The following GYG1 variants were observed in gnomAD, a reference collection of about 807,000 sequenced individuals.
The protein encoded by GYG1 is glycogenin 1.
In GYG1, 44 loss-of-function variants were observed where a neutral mutation model predicts 41.9. That is an observed-to-expected ratio of 1.05 (90% CI 0.83 to 1.35). The LOEUF (loss-of-function observed/expected upper bound fraction) is 1.35, where lower values mean the gene tolerates loss of function less well. Ranked by LOEUF, GYG1 falls within the 40% of genes most tolerant of loss-of-function variation. GYG1 has a pLI of 0.00. For synonymous variants in GYG1, 141 were observed against 158.1 expected, an observed-to-expected ratio of 0.89 and a Z score of 0.81; for missense variants, 429 against 418.9, an observed-to-expected ratio of 1.02 and a Z score of -0.21.
At chr3:149,017,363 T>G (rs1321978467) in intron 5 of GYG1, among the ~76,000 whole-genome samples, 2 of 151,868 alleles carry the variant, frequency 1.3e-5, no homozygotes, top group East Asian at 3.9e-4. Flanking sequence ...TGAATGGCTC[T>G]CAGTAATGTA....
At chr3:149,022,157 C>T (rs76390901) in intron 5 of GYG1, among the ~76,000 whole-genome samples, 69 of 152,254 alleles carry the variant, frequency 4.5e-4, no homozygotes, top group South Asian at 1.7e-3. Context: ...ACCCACTGTT[C>T]CTATTTTTGC....
intron 1 of GYG1, 104 bp from the exon 2 acceptor site, chr3:148,994,038 A>G: frequency 1.0e-6 from 1 of 972,350 alleles, no homozygotes; most frequent in Non-Finnish European, 1.6e-6. Context: ...AGTTGATGTT[A>G]GAGGAACTGG....
chr3:149,026,627 T>A, intron 7 of GYG1, 125 bp downstream of exon 7: 1 of 999,200 alleles, frequency 1.0e-6, no homozygotes, highest in Non-Finnish European at 1.6e-6. Context: ...TTTTGTTTGT[T>A]TCATGTAATA....
chr3:148,999,321 G>A (rs1304455967), intron 4 of GYG1, among the ~76,000 whole-genome samples: 1 of 152,154 alleles, frequency 6.6e-6, no homozygotes, highest in East Asian at 1.9e-4. Context: ...GCTCATTGGT[G>A]GTGAAGGACT....
At chr3:149,005,133 A>C (rs1713318223) in intron 4 of GYG1, among the ~76,000 whole-genome samples, 2 of 152,228 alleles carry the variant, frequency 1.3e-5, no homozygotes, top group Admixed American at 6.5e-5. Flanking sequence ...AAATTGGATA[A>C]ATGTGTAGAG....
At chr3:149,023,758 G>T (rs1322080580) in intron 5 of GYG1, among the ~76,000 whole-genome samples, 6 of 152,196 alleles carry the variant, frequency 3.9e-5, no homozygotes, top group Admixed American at 3.9e-4. Context: ...CAAGGCAGGA[G>T]AAATCACTTC....
intron 5 of GYG1, among the ~76,000 whole-genome samples, chr3:149,019,087 A>G (rs574339439): frequency 1.3e-5 from 2 of 150,746 alleles, no homozygotes; most frequent in East Asian, 3.9e-4. Flanking sequence ...AAAAAAAAAA[A>G]GAGAAAGTAA....
chr3:149,007,133 TTG>T (rs1328301936), intron 4 of GYG1, among the ~76,000 whole-genome samples: 1 of 152,204 alleles, frequency 6.6e-6, no homozygotes, highest in East Asian at 1.9e-4. Context: ...TTTTGTTTTT[TTG>T]TTATAACTGC....
chr3:149,008,691 T>C (rs528548234), intron 4 of GYG1, among the ~76,000 whole-genome samples: 1 of 152,386 alleles, frequency 6.6e-6, no homozygotes, highest in East Asian at 1.9e-4. Flanking sequence ...GTCTCCCACC[T>C]GACCCTTGTG....
intron 4 of GYG1, among the ~76,000 whole-genome samples, chr3:148,998,666 G>A (rs957438674): frequency 6.6e-6 from 1 of 152,188 alleles, no homozygotes; most frequent in African/African-American, 2.4e-5. Flanking sequence ...AAACTTCTTC[G>A]CTTTACTGAC....
chr3:149,022,751 C>T (rs1237517472), intron 5 of GYG1, among the ~76,000 whole-genome samples: 8 of 151,960 alleles, frequency 5.3e-5, no homozygotes, highest in Non-Finnish European at 1.0e-4. Flanking sequence ...GCCTCAGCCT[C>T]GCAAAGTGCT....
chr3:149,031,562 T>C lies in GYG1; in HGVS notation c.*4629T>C, dbSNP rs775619855. ...AGTTACATTTAAACAATGAGTGTAGTACTACTTAACTAAAATGGAAAAAAT... is the reference window on the plus strand; with the variant it reads ...AGTTACATTTAAACAATGAGTGTAGCACTACTTAACTAAAATGGAAAAAAT... On this transcript the variant is annotated 3_prime_UTR_variant, in exon 8 of 8. Coordinates refer to ENST00000345003, the MANE Select transcript of GYG1 (RefSeq NM_004130.4). 5 of 152,586 alleles carry C rather than the reference T, an allele frequency of 3.3e-5. No individual in the cohort carries two copies. Among genetic ancestry groups the C allele is most frequent in the Non-Finnish European group, 5.9e-5 (4 of 68,038 alleles). 9.5% of individuals were successfully genotyped at this position (152,586 alleles called of 1,614,324 possible).
At chr3:149,022,529 C>CA (rs1187859566) in intron 5 of GYG1, among the ~76,000 whole-genome samples, 1 of 44,014 alleles carries the variant, frequency 2.3e-5, no homozygotes, top group Non-Finnish European at 4.4e-5. Flanking sequence ...GATGGAGTCT[C>CA]ACTGTCACCA....
rs573132891 is a variant in GYG1, at chr3:148,996,581, A to G, written c.318+105A>G. 21 of 1,231,226 alleles carry G rather than the reference A, an allele frequency of 1.7e-5. No homozygotes were observed. In the South Asian group the frequency reaches 2.6e-4, roughly 15 times the overall value. 76.3% of individuals were successfully genotyped at this position (1,231,226 alleles called of 1,614,324 possible). On this transcript the variant is annotated intron_variant, in intron 3 of 7. Transcript: ENST00000345003. ...GTCAAGACTTGACGGTAAAGTTCAG[A>G]TAGAACCACTGTCATGAAATATGTC... is the stretch of plus-strand genomic sequence containing the variant.
intron 5 of GYG1, among the ~76,000 whole-genome samples, chr3:149,016,015 C>T (rs571772439): frequency 2.1e-3 from 312 of 151,812 alleles, no homozygotes; most frequent in Non-Finnish European, 3.8e-3. Context: ...GTAATCCCAG[C>T]ACTTTGAGAG....
chr3:148,996,021 A>T (rs1413179491), intron 2 of GYG1, among the ~76,000 whole-genome samples: 1 of 152,238 alleles, frequency 6.6e-6, no homozygotes, highest in Non-Finnish European at 1.5e-5. Flanking sequence ...ACAATAAAAT[A>T]CAAAAACCCA....
chr3:149,026,690 C>T, intron 7 of GYG1, 70 bp from the exon 8 acceptor site: 5 of 1,232,564 alleles, frequency 4.1e-6, no homozygotes, highest in Non-Finnish European at 6.0e-6. Flanking sequence ...TTTCTGTCTT[C>T]AATTTATTGC....
At chr3:149,003,548 AT>A (rs1485686582) in intron 4 of GYG1, among the ~76,000 whole-genome samples, 1 of 152,172 alleles carries the variant, frequency 6.6e-6, no homozygotes, top group African/African-American at 2.4e-5. Flanking sequence ...TAGAAATGAT[AT>A]TTTTAAAAGT....
chr3:148,996,714 T>C (rs775059459), intron 3 of GYG1, 28 bp from the exon 4 acceptor site: 2 of 1,604,110 alleles, frequency 1.2e-6, no homozygotes, highest in Non-Finnish European at 1.7e-6. Flanking sequence ...AAAACATTTC[T>C]GTAATGCTCT....
Sources: gnomAD v4.1 joint callset for allele counts (sites outside exome capture counted in the v4.1 genomes callset) on GRCh38, gnomAD v4.1.1 for gene constraint, MANE v1.5 for transcripts, NCBI Gene and HGNC (gene_info 2026-07-23, HGNC 2026-07-21) for gene names.